The following WIPF3 variants were observed in gnomAD, a reference collection of about 807,000 sequenced individuals.
WIPF3 encodes WAS/WASL interacting protein family member 3.
In WIPF3, 33 loss-of-function variants were observed where a neutral mutation model predicts 38.9. The ratio of observed to expected loss-of-function variants is 0.85; its 90% CI spans 0.64 to 1.14. The LOEUF is 1.14. Ranked by LOEUF, WIPF3 falls within the 50% of genes most tolerant of loss-of-function variation. WIPF3 has a pLI of 0.00. For synonymous variants in WIPF3, 324 were observed against 269.3 expected (o/e 1.20, Z -1.99); for missense variants, 711 against 652.5 (o/e 1.09, Z -0.98).
At chr7:29,825,114 C>G (rs930386236) in intron 1 of WIPF3, among the ~76,000 whole-genome samples, 4 of 152,148 alleles carry the variant, frequency 2.6e-5, no homozygotes, top group African/African-American at 9.7e-5. Context: ...CGTATAAAAT[C>G]TAGCATCATA....
intron 1 of WIPF3, among the ~76,000 whole-genome samples, chr7:29,821,171 G>T (rs1784531504): frequency 6.6e-6 from 1 of 152,184 alleles, no homozygotes; most frequent in Non-Finnish European, 1.5e-5. Context: ...ATGACAGTTT[G>T]GCTGGATATA....
chr7:29,814,256 C>G (rs1784424476), intron 1 of WIPF3, among the ~76,000 whole-genome samples: 1 of 151,980 alleles, frequency 6.6e-6, no homozygotes, highest in Non-Finnish European at 1.5e-5. Context: ...TCTTGTATAC[C>G]CTGTGCTTTA....
At chr7:29,881,826 C>T (rs1483152281) in intron 4 of WIPF3, among the ~76,000 whole-genome samples, 3 of 152,244 alleles carry the variant, frequency 2.0e-5, no homozygotes, top group Non-Finnish European at 4.4e-5. Context: ...TTCCTATGGG[C>T]ACAGCATCCC....
At chr7:29,888,510 C>CGTGTGTGTGTGCGTGTGCGTGT (rs1785936428) in intron 6 of WIPF3, among the ~76,000 whole-genome samples, 64 of 147,904 alleles carry the variant, frequency 4.3e-4, no homozygotes, top group African/African-American at 1.5e-3. Context: ...CGTGTGTGTG[C>CGTGTGTGTGTGCGTGTGCGTGT]GTGTGTGTGT....
intron 8 of WIPF3, among the ~76,000 whole-genome samples, chr7:29,907,058 A>G (rs1462529686): frequency 2.0e-5 from 3 of 152,244 alleles, no homozygotes; most frequent in Non-Finnish European, 2.9e-5. Context: ...GACACGAAAC[A>G]GTAACTTGAA....
chr7:29,913,086 C>T (rs1274734367), intron 8 of WIPF3, among the ~76,000 whole-genome samples: 1 of 148,516 alleles, frequency 6.7e-6, no homozygotes, highest in African/African-American at 2.5e-5. Flanking sequence ...GTGGCTCATG[C>T]CTGTAATCCC....
chr7:29,895,176 A>G (rs1001078644), intron 7 of WIPF3, among the ~76,000 whole-genome samples: 13 of 152,084 alleles, frequency 8.5e-5, no homozygotes, highest in Admixed American at 3.3e-4. Context: ...CCTGACCTCA[A>G]GTGATCCGCC....
chr7:29,839,048 A>G (rs908959461), intron 2 of WIPF3, among the ~76,000 whole-genome samples: 4 of 152,194 alleles, frequency 2.6e-5, no homozygotes, highest in Non-Finnish European at 2.9e-5. Context: ...GAAAAGCAAG[A>G]AAGGGATAAC....
In WIPF3 at chr7:29,884,361, T is replaced by TGCCCCCCC; in HGVS notation, c.867_868insGCCCCCCC (p.Pro290AlafsTer87). 3.0e-6 allele frequency: 4 copies of TGCCCCCCC among 1,317,864 alleles called. No homozygotes were observed. Among genetic ancestry groups the TGCCCCCCC allele is most frequent in the Non-Finnish European group, 3.9e-6 (4 of 1,017,904 alleles). The allele number at this position is 1,317,864 out of a possible 1,614,324, so 81.6% of individuals were successfully genotyped here. A position where few individuals can be genotyped will look rare whatever the true frequency, so the allele number is the denominator to read the frequency against. On this transcript the variant is annotated frameshift_variant, in exon 5 of 9. Transcript: ENST00000242140. LOFTEE classifies it high-confidence loss of function. ...GCCCTGCGCAAGATGCGCAGGAGCC[T>TGCCCCCCC]CCCGCCCCGCCGCCCCCGCTCCCCC...
In WIPF3 at chr7:29,884,358, G is replaced by GCCCCCCCCCCCCC; in HGVS notation, c.866_867insCCCCCCCCCCCCC (p.Ala291ProfsTer31). 1.3e-6 allele frequency: 2 copies of GCCCCCCCCCCCCC among 1,501,642 alleles called. No homozygotes were observed. Among genetic ancestry groups the GCCCCCCCCCCCCC allele is most frequent in the Non-Finnish European group, 1.8e-6 (2 of 1,122,632 alleles). The allele number at this position is 1,501,642 out of a possible 1,614,324, so 93.0% of individuals were successfully genotyped here. On this transcript the variant is annotated frameshift_variant, in exon 5 of 9. Coordinates refer to ENST00000242140, the MANE Select transcript of WIPF3 (RefSeq NM_001080529.3). LOFTEE classifies it high-confidence loss of function. ...CCAGCCCTGCGCAAGATGCGCAGGA[G>GCCCCCCCCCCCCC]CCTCCCGCCCCGCCGCCCCCGCTCC...
intron 2 of WIPF3, among the ~76,000 whole-genome samples, chr7:29,861,385 T>C (rs1232671966): frequency 6.6e-6 from 1 of 152,228 alleles, no homozygotes; most frequent in East Asian, 1.9e-4. Flanking sequence ...ACAAATATTT[T>C]CCTAGGAAAA....
chr7:29,835,203 GATA>G (rs774177198), intron 2 of WIPF3, among the ~76,000 whole-genome samples: 1 of 152,098 alleles, frequency 6.6e-6, no homozygotes, highest in Non-Finnish European at 1.5e-5. Flanking sequence ...TTTGGATGGT[GATA>G]ATGAGAGATT....
intron 8 of WIPF3, among the ~76,000 whole-genome samples, chr7:29,910,134 G>A (rs551545325): frequency 1.3e-4 from 20 of 151,944 alleles, no homozygotes; most frequent in African/African-American, 3.1e-4. Flanking sequence ...ATGGATACCC[G>A]ATTTTCCTTG....
At chr7:29,888,344 G>T in intron 6 of WIPF3, 127 bp downstream of exon 6, 1 of 1,233,916 alleles carries the variant, frequency 8.1e-7, no homozygotes, top group Non-Finnish European at 1.1e-6. Flanking sequence ...ATGAACAGGG[G>T]CTCACTCCAG....
Position 29,884,116 on chromosome 7 carries a change from A to G in WIPF3, c.622A>G (p.Thr208Ala). 2.0e-6 allele frequency: 3 copies of G among 1,503,604 alleles called. No individual in the cohort carries two copies. Among genetic ancestry groups the G allele is most frequent in the Non-Finnish European group, 2.7e-6 (3 of 1,124,824 alleles). The allele number at this position is 1,503,604 out of a possible 1,614,324, so 93.1% of individuals were successfully genotyped here. Residue 208 changes from threonine (T) to alanine (A), a missense_variant, in exon 5 of 9, where the codon ACC becomes GCC. Transcript: ENST00000242140. ...GCTTGTGTCCCCACCCGGCCCACTG[A>G]CCAAAGGGAACCTCCCGGTGGTTGC... Reference protein sequence around the residue: ...TPLVSPPGPLTKGNLPVVAPP... With the variant: ...TPLVSPPGPLAKGNLPVVAPP...
chr7:29,822,048 C>T (rs1471426855), intron 1 of WIPF3, among the ~76,000 whole-genome samples: 3 of 151,422 alleles, frequency 2.0e-5, no homozygotes, highest in South Asian at 2.1e-4. Context: ...ATCTGCTTTA[C>T]AGCAGTATTT....
In WIPF3 at chr7:29,823,553, C is replaced by T. The variant is rs1175503369; in HGVS notation, c.-57-11115C>T. ...TAACAAGGTTTGTCTCCATCTTTTG[C>T]GGGAGCCTGATTCCTTGTTTATATG... On this transcript the variant is annotated intron_variant, in intron 1 of 8. Transcript: ENST00000242140. This position sits in a 1 kb window ranked among gnomAD's most constrained non-coding sequence, Gnocchi z 4.0. Among the ~76,000 whole-genome samples, 3 of 152,252 alleles carry T rather than the reference C, an allele frequency of 2.0e-5. No individual in the cohort carries two copies. The highest frequency in any genetic ancestry group is 2.4e-5 in the African/African-American group (1 of 41,542).
chr7:29,884,664 T>C, intron 5 of WIPF3, 71 bp downstream of exon 5: 3 of 1,490,500 alleles, frequency 2.0e-6, no homozygotes, highest in Non-Finnish European at 2.7e-6. Context: ...CAGGACTTTA[T>C]TGTTGGAGGT....
chr7:29,861,942 A>T (rs1003481835), intron 2 of WIPF3, among the ~76,000 whole-genome samples: 4 of 152,234 alleles, frequency 2.6e-5, no homozygotes, highest in Admixed American at 2.6e-4. Flanking sequence ...TGGAAAAGAT[A>T]TATTTGAGCC....
Sources: gnomAD v4.1 joint callset for allele counts (sites outside exome capture counted in the v4.1 genomes callset) on GRCh38, gnomAD v4.1.1 for gene constraint, Gnocchi (gnomAD v3.1) non-coding constraint, MANE v1.5 for transcripts, NCBI Gene and HGNC (gene_info 2026-07-23, HGNC 2026-07-21) for gene names.